ROR1: variants seen among roughly 807,000 people sequenced by gnomAD.
ROR1 encodes ROR family WNT receptor 1, also known as inactive tyrosine-protein kinase transmembrane receptor ROR1.
Under a neutral mutation model 78.8 loss-of-function variants are expected in ROR1, and 19 were observed. That is an observed-to-expected ratio of 0.24 (90% CI 0.17 to 0.35). The LOEUF is 0.35. ROR1 is among the 10% of genes least tolerant of loss of function. ROR1 has a pLI of 1.00. For missense variants in ROR1, 917 were observed against 1,177.8 expected (o/e 0.78, Z 3.24); for synonymous variants, 386 against 433.6 (o/e 0.89, Z 1.36).
chr1:63,898,768 G>A (rs983932038), intron 1 of ROR1, among the ~76,000 whole-genome samples: 4 of 151,984 alleles, frequency 2.6e-5, no homozygotes, highest in Admixed American at 6.6e-5. Context: ...GTGTGGCGCC[G>A]TACTCACTGC....
intron 1 of ROR1, among the ~76,000 whole-genome samples, chr1:63,801,488 T>C (rs1179238774): frequency 6.6e-6 from 1 of 152,060 alleles, no homozygotes; most frequent in African/African-American, 2.4e-5. Context: ...AAAGACGGGG[T>C]TTCACCATGT....
intron 4 of ROR1, among the ~76,000 whole-genome samples, chr1:64,059,741 CAGTT>C (rs1000007441): frequency 8.0e-5 from 12 of 149,996 alleles, no homozygotes; most frequent in African/African-American, 2.5e-4. Flanking sequence ...TGTCTCTACT[CAGTT>C]AGCCTAGTAA....
intron 1 of ROR1, among the ~76,000 whole-genome samples, chr1:63,837,969 G>A (rs1414603190): frequency 6.6e-6 from 1 of 152,148 alleles, no homozygotes; most frequent in African/African-American, 2.4e-5. Flanking sequence ...GGTTATAATG[G>A]AGCTGAAAAA....
intron 1 of ROR1, among the ~76,000 whole-genome samples, chr1:63,827,333 G>A (rs975202647): frequency 1.7e-4 from 26 of 152,042 alleles, no homozygotes; most frequent in Admixed American, 5.2e-4. Flanking sequence ...AATTGCTTTT[G>A]GTGCCTTTGT....
At chr1:64,016,984 C>T (rs1214397665) in intron 2 of ROR1, among the ~76,000 whole-genome samples, 5 of 151,838 alleles carry the variant, frequency 3.3e-5, no homozygotes, top group African/African-American at 1.2e-4. Flanking sequence ...GTGATGTGAT[C>T]ATGGCTCGTT....
chr1:63,832,300 T>G (rs1644993221), intron 1 of ROR1, among the ~76,000 whole-genome samples: 1 of 152,254 alleles, frequency 6.6e-6, no homozygotes, highest in Admixed American at 6.5e-5. Flanking sequence ...GCCCCACTTC[T>G]ATCAGGACCA....
chr1:64,050,013 C>T, intron 3 of ROR1, 35 bp downstream of exon 3: 1 of 1,608,836 alleles, frequency 6.2e-7, no homozygotes, highest in South Asian at 1.1e-5. Context: ...GACTTTGGCC[C>T]TCAGCCCAAT....
Position 63,919,902 on chromosome 1 carries a change from G to C in ROR1, c.92-89403G>C, listed in dbSNP as rs143563516. On this transcript the variant is annotated intron_variant, in intron 1 of 8. Coordinates refer to ENST00000371079, the MANE Select transcript of ROR1 (RefSeq NM_005012.4). ...AATAGGAATCAGCAGAAAATAAGGT[G>C]GTTCAACTATCCGGGAAAACTACCA... is the stretch of plus-strand genomic sequence containing the variant. Among the ~76,000 whole-genome samples the C allele has an allele frequency of 5.0e-3, 754 of 152,218 alleles. 2 individuals are homozygous for C. The highest frequency in any genetic ancestry group is 7.5e-3 in the Non-Finnish European group (510 of 68,014).
intron 1 of ROR1, among the ~76,000 whole-genome samples, chr1:63,856,546 A>C (rs1000216119): frequency 6.6e-6 from 1 of 152,040 alleles, no homozygotes; most frequent in African/African-American, 2.4e-5. Flanking sequence ...TGGCCTTGCA[A>C]ACTCTAGTTG....
At position 63,790,879 on chromosome 1, in the gene ROR1, G is replaced by A. The variant is rs568667901; in HGVS notation, c.91+16371G>A. 8.5e-5 allele frequency among the ~76,000 whole-genome samples: 13 copies of A among 152,316 alleles called. No individual in the cohort carries two copies. In the South Asian group the frequency reaches 2.5e-3, roughly 29 times the overall value. The stretch of plus-strand genomic sequence containing the variant: ...AGTGTTCTCAGTTTTGAACCTGCAA[G>A]CCATCTGGATGCAAAGATGGCCAGA... On this transcript the variant is annotated intron_variant, in intron 1 of 8. Transcript: ENST00000371079.
intron 1 of ROR1, among the ~76,000 whole-genome samples, chr1:63,945,392 C>T (rs780123422): frequency 3.3e-5 from 5 of 152,178 alleles, no homozygotes; most frequent in Non-Finnish European, 5.9e-5. Flanking sequence ...GCAGTTTAAA[C>T]TAGTCCATTT....
chr1:64,025,297 A>G (rs1219878100), intron 2 of ROR1, among the ~76,000 whole-genome samples: 1 of 152,136 alleles, frequency 6.6e-6, no homozygotes, highest in Non-Finnish European at 1.5e-5. Flanking sequence ...TGATAACGTG[A>G]TTCCCGTCTT....
At chr1:63,983,819 G>A (rs549245940) in intron 1 of ROR1, among the ~76,000 whole-genome samples, 12 of 152,266 alleles carry the variant, frequency 7.9e-5, no homozygotes, top group Middle Eastern at 3.4e-3. Context: ...TGAGCTGAAT[G>A]ATTTTGAGAT....
intron 4 of ROR1, chr1:64,110,560 G>T (rs996101564): frequency 6.6e-6 from 1 of 152,076 alleles, no homozygotes; most frequent in South Asian, 2.1e-4. Context: ...TAAAAAACAG[G>T]ATAACAAAGG....
intron 1 of ROR1, among the ~76,000 whole-genome samples, chr1:63,938,957 C>T (rs550574316): frequency 6.0e-4 from 91 of 152,194 alleles, no homozygotes; most frequent in Non-Finnish European, 9.9e-4. Flanking sequence ...GTGATTGTGC[C>T]ACCGCACTGC....
intron 8 of ROR1, among the ~76,000 whole-genome samples, chr1:64,173,808 T>G (rs1434932370): frequency 6.6e-6 from 1 of 152,148 alleles, no homozygotes; most frequent in Non-Finnish European, 1.5e-5. Flanking sequence ...TTTTCCCACC[T>G]CCAGAAGTTT....
chr1:63,955,335 CT>C (rs1222157440), intron 1 of ROR1, among the ~76,000 whole-genome samples: 1 of 152,082 alleles, frequency 6.6e-6, no homozygotes, highest in East Asian at 1.9e-4. Flanking sequence ...TAAATTTTTT[CT>C]TTGGCAGTTT....
At chr1:64,043,845 G>T (rs888712029) in intron 2 of ROR1, among the ~76,000 whole-genome samples, 1 of 152,152 alleles carries the variant, frequency 6.6e-6, no homozygotes, top group African/African-American at 2.4e-5. Context: ...AATGTGGTCA[G>T]TTTTAGAGTC....
chr1:64,151,161 G>A (rs866910296), intron 7 of ROR1, among the ~76,000 whole-genome samples: 4 of 152,220 alleles, frequency 2.6e-5, no homozygotes, highest in Admixed American at 6.5e-5. Context: ...AACCATTAAG[G>A]AAAGGTGCGA....
Sources: gnomAD v4.1 joint callset for allele counts (sites outside exome capture counted in the v4.1 genomes callset) on GRCh38, gnomAD v4.1.1 for gene constraint, MANE v1.5 for transcripts, NCBI Gene and HGNC (gene_info 2026-07-23, HGNC 2026-07-21) for gene names.